The following FAM167A variants were observed in gnomAD, a reference collection of about 807,000 sequenced individuals.
The protein encoded by FAM167A is family with sequence similarity 167 member A, also known as protein FAM167A.
FAM167A carries 23 observed loss-of-function variants against 14.9 expected under a neutral mutation model. That is an observed-to-expected ratio of 1.55 (90% CI 1.11 to 2.19). FAM167A has a LOEUF of 2.19. Ranked by LOEUF, FAM167A falls within the 30% of genes most tolerant of loss-of-function variation. The probability of loss-of-function intolerance (pLI) is 0.00; values close to 1 mark genes in which losing one functional copy is unlikely to be tolerated. For missense variants in FAM167A, 401 were observed against 281.5 expected (o/e 1.42, Z -3.04); for synonymous variants, 174 against 117.7 (o/e 1.48, Z -3.10).
intron 2 of FAM167A, chr8:11,434,759 A>G: frequency 7.0e-6 from 2 of 286,016 alleles, no homozygotes; most frequent in Non-Finnish European, 1.4e-5. Flanking sequence ...TGATGACATG[A>G]TGACTCTGGA....
At chr8:11,438,760 T>C (rs1806230144) in intron 2 of FAM167A, 1 of 345,454 alleles carries the variant, frequency 2.9e-6, no homozygotes, top group Non-Finnish European at 5.6e-6. Flanking sequence ...GCAGGGCTGG[T>C]GCCAGACAGG....
intron 2 of FAM167A, among the ~76,000 whole-genome samples, chr8:11,440,291 A>G (rs1161390271): frequency 6.6e-6 from 1 of 152,166 alleles, no homozygotes; most frequent in Non-Finnish European, 1.5e-5. Flanking sequence ...TGGGAGTCGC[A>G]CTAAGAGGCT....
intron 1 of FAM167A, among the ~76,000 whole-genome samples, chr8:11,473,381 A>G (rs1454268581): frequency 6.6e-6 from 1 of 152,154 alleles, no homozygotes; most frequent in South Asian, 2.1e-4. Flanking sequence ...ACAAGGTGCT[A>G]AAAGAGAAGG....
chr8:11,462,368 T>G (rs1383605082), intron 1 of FAM167A, among the ~76,000 whole-genome samples: 1 of 152,326 alleles, frequency 6.6e-6, no homozygotes, highest in African/African-American at 2.4e-5. Context: ...AGGATTGTAA[T>G]GGATCGTACC....
At chr8:11,439,481 CTG>C (rs1806291563) in intron 2 of FAM167A, among the ~76,000 whole-genome samples, 1 of 152,278 alleles carries the variant, frequency 6.6e-6, no homozygotes, top group Non-Finnish European at 1.5e-5. Flanking sequence ...CGAAGCCACG[CTG>C]TGGCCACAGT....
chr8:11,449,426 C>T (rs2117107456), intron 1 of FAM167A, among the ~76,000 whole-genome samples: 1 of 152,342 alleles, frequency 6.6e-6, no homozygotes, highest in Non-Finnish European at 1.5e-5. Flanking sequence ...CAGTGGAGGC[C>T]TCCCCTCGCT....
At chr8:11,436,819 C>A (rs1025335893) in intron 2 of FAM167A, among the ~76,000 whole-genome samples, 24 of 152,194 alleles carry the variant, frequency 1.6e-4, no homozygotes, top group Non-Finnish European at 4.4e-5. Context: ...GCGGGAGCTT[C>A]ACATCTGATG....
At chr8:11,465,863 C>T (rs1463285764) in intron 1 of FAM167A, among the ~76,000 whole-genome samples, 1 of 152,230 alleles carries the variant, frequency 6.6e-6, no homozygotes, top group Non-Finnish European at 1.5e-5. Flanking sequence ...CGGCAGTGGC[C>T]AGCCCCCAAC....
At position 11,433,405 on chromosome 8, in the gene FAM167A, A is replaced by G. The variant is rs141137474; in HGVS notation, c.382-8769T>C. Among the ~76,000 whole-genome samples the G allele has an allele frequency of 3.2e-3, 487 of 152,160 alleles. 3 individuals are homozygous for G. The highest frequency in any genetic ancestry group is 0.011 in the African/African-American group (477 of 41,492). On this transcript the variant is annotated intron_variant, in intron 2 of 2. Transcript: ENST00000284486. The stretch of plus-strand genomic sequence containing the variant: ...CCTATTAATAGTTTGTCTTTTTTCT[A>G]TCGTCTAATGCTTCCATTCCTGAAG...
At position 11,424,249 on chromosome 8, in the gene FAM167A, A is replaced by G; in HGVS notation, c.*124T>C. The G allele has an allele frequency of 7.7e-7, 1 of 1,305,322 alleles. No homozygotes were observed. Among genetic ancestry groups the G allele is most frequent in the Non-Finnish European group, 1.1e-6 (1 of 949,840 alleles). The allele number at this position is 1,305,322 out of a possible 1,614,324, so 80.9% of individuals were successfully genotyped here. On this transcript the variant is annotated 3_prime_UTR_variant, in exon 3 of 3. Transcript: ENST00000284486. ...CACTGAATAGGTCCTGGGGCCCTTGAGTCGCCAGTCCCAGGGACCCCTGCC... is the reference window on the plus strand; with the variant it reads ...CACTGAATAGGTCCTGGGGCCCTTGGGTCGCCAGTCCCAGGGACCCCTGCC...
chr8:11,461,183 C>T (rs571137494), intron 1 of FAM167A, among the ~76,000 whole-genome samples: 6 of 152,272 alleles, frequency 3.9e-5, no homozygotes, highest in Middle Eastern at 3.4e-3. Context: ...GCTCTTGGGA[C>T]GCCCAGTCGC....
intron 2 of FAM167A, among the ~76,000 whole-genome samples, chr8:11,439,336 G>A (rs1469628254): frequency 3.3e-5 from 5 of 152,256 alleles, no homozygotes; most frequent in Admixed American, 2.6e-4. Context: ...AGTATGACCT[G>A]CCATTTGGCC....
Position 11,466,455 on chromosome 8 carries a change from C to T in FAM167A, c.-398+171G>A, listed in dbSNP as rs529666969. The stretch of plus-strand genomic sequence containing the variant: ...GCGGGAGCGCATGAGCGGCCTCTCC[C>T]GGGGGGGCGGTAGGAGCGCGTCCCC... On this transcript the variant is annotated intron_variant, in intron 1 of 2. Transcript: ENST00000284486. Among the ~76,000 whole-genome samples the T allele has an allele frequency of 2.2e-4, 32 of 146,882 alleles. 2 individuals carry two copies. The South Asian group carries it at 7.1e-3, about 33-fold the overall frequency.
intron 1 of FAM167A, among the ~76,000 whole-genome samples, chr8:11,459,671 G>A (rs1483387813): frequency 6.6e-6 from 1 of 152,206 alleles, no homozygotes; most frequent in Non-Finnish European, 1.5e-5. Context: ...CGCTGGACAA[G>A]TCACACGACT....
intron 1 of FAM167A, among the ~76,000 whole-genome samples, chr8:11,458,523 C>A (rs180689562): frequency 1.3e-5 from 2 of 152,288 alleles, no homozygotes; most frequent in African/African-American, 4.8e-5. Flanking sequence ...CACCCCTGCC[C>A]CAGGAACACT....
In FAM167A at chr8:11,444,343, G is replaced by A. The variant is rs140103747; in HGVS notation, c.69C>T (p.Pro23=). Reference sequence around the variant, plus strand: ...CCTTCAGGCTCCGGAGGTGGTCATCGGGTGGTGCGGCTGCTCCCGCCCCCT... The same window carrying A: ...CCTTCAGGCTCCGGAGGTGGTCATCAGGTGGTGCGGCTGCTCCCGCCCCCT... The part of the protein sequence containing the change: ...AEEGAGAAAP[P]DDHLRSLKAL... Residue 23 remains proline (P), a synonymous_variant, in exon 2 of 3, where the codon CCC becomes CCT. Coordinates refer to ENST00000284486, the MANE Select transcript of FAM167A (RefSeq NM_053279.3). The A allele has an allele frequency of 3.7e-5, 59 of 1,606,510 alleles. No homozygotes were observed. Among genetic ancestry groups the A allele is most frequent in the Non-Finnish European group, 4.8e-5 (56 of 1,176,638 alleles).
Position 11,453,495 on chromosome 8 carries a change from C to A in FAM167A, c.-397-8687G>T, listed in dbSNP as rs1476118812. On this transcript the variant is annotated intron_variant, in intron 1 of 2. Coordinates refer to ENST00000284486, the MANE Select transcript of FAM167A (RefSeq NM_053279.3). ...CATTACACAGATGAAGAGACCGAGG[C>A]ACAGAGATGATAAGGCACGGGCCCA... is the stretch of plus-strand genomic sequence containing the variant. Among the ~76,000 whole-genome samples the A allele has an allele frequency of 2.0e-5, 3 of 152,208 alleles. No individual in the cohort carries two copies. The East Asian group carries it at 5.8e-4, about 29-fold the overall frequency.
At chr8:11,431,036 G>A (rs80141248) in intron 2 of FAM167A, among the ~76,000 whole-genome samples, 3,999 of 152,264 alleles carry the variant, frequency 0.026, 80 homozygotes, top group Middle Eastern at 0.044. Flanking sequence ...ATTACCATAT[G>A]ACATGGCAAT....
At chr8:11,465,344 ACT>A (rs1026191450) in intron 1 of FAM167A, among the ~76,000 whole-genome samples, 1 of 151,742 alleles carries the variant, frequency 6.6e-6, no homozygotes, top group Non-Finnish European at 1.5e-5. Context: ...CGTGAGGCTG[ACT>A]CTCTGCTCTC....
Sources: gnomAD v4.1 joint callset for allele counts (sites outside exome capture counted in the v4.1 genomes callset) on GRCh38, gnomAD v4.1.1 for gene constraint, MANE v1.5 for transcripts, NCBI Gene and HGNC (gene_info 2026-07-23, HGNC 2026-07-21) for gene names.